Variants in SLC14A2 observed in about 807,000 individuals in gnomAD.
SLC14A2 encodes urea transporter 2.
SLC14A2 carries 91 observed loss-of-function variants against 104.6 expected under a neutral mutation model. The ratio of observed to expected loss-of-function variants is 0.87; its 90% confidence interval spans 0.73 to 1.04. SLC14A2 has a LOEUF of 1.04. Among genes scored for constraint, SLC14A2 ranks in the 50% least tolerant of loss-of-function variants. The pLI is 0.00. For synonymous variants in SLC14A2, 476 were observed against 466.4 expected (o/e 1.02, Z -0.27); for missense variants, 1,189 against 1,156.0 (o/e 1.03, Z -0.41).
chr18:45,264,919 A>C (rs990021537), intron 1 of SLC14A2, among the ~76,000 whole-genome samples: 3 of 152,150 alleles, frequency 2.0e-5, no homozygotes, highest in Admixed American at 6.6e-5. Context: ...TGCTGGCCAT[A>C]TCTCTCCTGG....
chr18:45,259,122 G>A (rs2084509329), intron 1 of SLC14A2, among the ~76,000 whole-genome samples: 2 of 152,156 alleles, frequency 1.3e-5, no homozygotes, highest in African/African-American at 2.4e-5. Context: ...TAAGACATCA[G>A]GCAGAAAAGA....
intron 1 of SLC14A2, among the ~76,000 whole-genome samples, chr18:45,241,618 T>C (rs2084316857): frequency 6.7e-6 from 1 of 149,880 alleles, no homozygotes; most frequent in Non-Finnish European, 1.5e-5. Context: ...ACTTATTTGA[T>C]TTTCTTTTCT....
chr18:45,236,091 A>G (rs1262624253), intron 1 of SLC14A2, among the ~76,000 whole-genome samples: 1 of 58,954 alleles, frequency 1.7e-5, no homozygotes, highest in Non-Finnish European at 2.9e-5. Flanking sequence ...ATATATACAT[A>G]TATGTGTGTA....
intron 1 of SLC14A2, among the ~76,000 whole-genome samples, chr18:45,428,441 C>A (rs1250507791): frequency 6.6e-6 from 1 of 152,138 alleles, no homozygotes; most frequent in Non-Finnish European, 1.5e-5. Flanking sequence ...CAAAAAAACA[C>A]TGTGCACAAT....
chr18:45,339,325 A>G (rs1289171478), intron 1 of SLC14A2, among the ~76,000 whole-genome samples: 1 of 152,174 alleles, frequency 6.6e-6, no homozygotes, highest in Non-Finnish European at 1.5e-5. Context: ...CCAATTCCAC[A>G]TTCTAGCCAT....
At chr18:45,319,798 AGTT>A (rs2144235866) in intron 1 of SLC14A2, among the ~76,000 whole-genome samples, 1 of 152,346 alleles carries the variant, frequency 6.6e-6, no homozygotes, top group African/African-American at 2.4e-5. Context: ...TGGGGGTAGA[AGTT>A]GTAGATAAAT....
chr18:45,199,995 T>C, the SLC14A2 span, among the ~76,000 whole-genome samples: 3 of 152,216 alleles, frequency 2.0e-5, no homozygotes, highest in Admixed American at 1.3e-4. Flanking sequence ...AGCTGGACCA[T>C]ACATATGGAG....
intron 2 of SLC14A2, among the ~76,000 whole-genome samples, chr18:45,489,145 A>G (rs2087670815): frequency 6.6e-6 from 1 of 152,222 alleles, no homozygotes; most frequent in South Asian, 2.1e-4. Flanking sequence ...TTCTGCATGC[A>G]TATGTCAGCA....
At chr18:45,237,594 G>T (rs2084268751) in intron 1 of SLC14A2, among the ~76,000 whole-genome samples, 1 of 152,204 alleles carries the variant, frequency 6.6e-6, no homozygotes. Flanking sequence ...GAGCCTTTCT[G>T]CTGCCCAAGC....
intron 1 of SLC14A2, among the ~76,000 whole-genome samples, chr18:45,251,343 C>T (rs1177436182): frequency 6.6e-6 from 1 of 152,162 alleles, no homozygotes; most frequent in African/African-American, 2.4e-5. Context: ...CAGGTTGCTG[C>T]AAATGCCATT....
rs189421454 is a variant in SLC14A2 at position 45,262,472 on chromosome 18, C to T, written c.-125+49281C>T. On this transcript the variant is annotated intron_variant, in intron 1 of 20. Transcript: ENST00000586448. ...GGATGCTGCAGTCATCATTCTGGTC[C>T]GGACTCTCATTGTGTGCTTTGAGCC... Among the ~76,000 whole-genome samples, 166 of 152,258 alleles carry T rather than the reference C, an allele frequency of 1.1e-3. 1 individual carries two copies. Among genetic ancestry groups the T allele is most frequent in the African/African-American group, 3.6e-3 (151 of 41,562 alleles).
chr18:45,235,140 T>C (rs1191460045), intron 1 of SLC14A2, among the ~76,000 whole-genome samples: 1 of 152,334 alleles, frequency 6.6e-6, no homozygotes, highest in African/African-American at 2.4e-5. Flanking sequence ...GCTAAGCCTT[T>C]ATATACTTTC....
intron 1 of SLC14A2, among the ~76,000 whole-genome samples, chr18:45,620,885 T>C (rs2045155622): frequency 6.6e-6 from 1 of 152,238 alleles, no homozygotes; most frequent in African/African-American, 2.4e-5. Flanking sequence ...CATAAAATAG[T>C]GATCAATCTT....
intron 1 of SLC14A2, among the ~76,000 whole-genome samples, chr18:45,475,623 T>C (rs2087349174): frequency 2.1e-5 from 2 of 94,912 alleles, no homozygotes; most frequent in South Asian, 7.6e-4. Context: ...ATTTAGGATA[T>C]ATATATATAT....
In SLC14A2 at chr18:45,567,686, C is replaced by CCCACCTCTCTCGGCCTCTACCTTT. The variant is rs568900622; in HGVS notation, c.-34-56918_-34-56895dup. On this transcript the variant is annotated intron_variant, in intron 2 of 20. Coordinates refer to the SLC14A2 transcript ENST00000586448. Reference sequence around the variant, plus strand: ...TAGCTGTCCTGCGTCAAGCAAGCCGCCCACCTCTCTCGGCCTCTACCTTTC... The same window carrying CCCACCTCTCTCGGCCTCTACCTTT: ...TAGCTGTCCTGCGTCAAGCAAGCCGCCCACCTCTCTCGGCCTCTACCTTTCCACCTCTCTCGGCCTCTACCTTTC... Among the ~76,000 whole-genome samples, 59 of 152,272 alleles carry CCCACCTCTCTCGGCCTCTACCTTT rather than the reference C, an allele frequency of 3.9e-4. 1 individual carries two copies. Among genetic ancestry groups the CCCACCTCTCTCGGCCTCTACCTTT allele is most frequent in the East Asian group, 1.3e-3 (7 of 5,186 alleles).
At chr18:45,436,634 C>G (rs938187749) in intron 1 of SLC14A2, 1 of 152,186 alleles carries the variant, frequency 6.6e-6, no homozygotes, top group African/African-American at 2.4e-5. Flanking sequence ...CTTACAGCAT[C>G]CTGGTTACCT....
the SLC14A2 span, among the ~76,000 whole-genome samples, chr18:45,171,885 T>G: frequency 4.6e-5 from 7 of 152,172 alleles, no homozygotes. Flanking sequence ...GTGTTCAGAT[T>G]ATTCCCTAAG....
chr18:45,479,063 A>G (rs1359178181), intron 1 of SLC14A2, among the ~76,000 whole-genome samples: 1 of 152,130 alleles, frequency 6.6e-6, no homozygotes, highest in African/African-American at 2.4e-5. Flanking sequence ...TTCAGCATCT[A>G]CCTGCCCTAG....
chr18:45,180,887 A>G, the SLC14A2 span: 1 of 152,228 alleles, frequency 6.6e-6, no homozygotes, highest in African/African-American at 2.4e-5. Context: ...AGCATAATGA[A>G]TAGAAAATGG....
Sources: allele counts gnomAD v4.1 joint callset (sites outside exome capture counted in the v4.1 genomes callset), GRCh38; gene constraint gnomAD v4.1.1; transcripts MANE v1.5; gene names NCBI Gene and HGNC (gene_info 2026-07-23, HGNC 2026-07-21).